Variants in CSMD1 observed in about 807,000 individuals in gnomAD.
CSMD1 encodes the protein CUB and sushi domain-containing protein 1.
In CSMD1, 213 loss-of-function variants were observed where a neutral mutation model predicts 417.5. The observed-to-expected ratio is 0.51, with a 90% CI of 0.46 to 0.57. The LOEUF is 0.57. Ranked by LOEUF, CSMD1 falls within the 20% of genes least tolerant of loss-of-function variation. CSMD1 has a pLI of 0.00. For synonymous variants in CSMD1, 2,862 were observed against 1,736.8 expected (o/e 1.65, Z -16.11); for missense variants, 6,923 against 4,529.7 (o/e 1.53, Z -15.17).
At chr8:3,943,477 G>C (rs985814344) in intron 5 of CSMD1, among the ~76,000 whole-genome samples, 5 of 146,128 alleles carry the variant, frequency 3.4e-5, no homozygotes, top group Non-Finnish European at 7.4e-5. Flanking sequence ...TGATCAGTCA[G>C]TGGGTGCTGA....
intron 17 of CSMD1, among the ~76,000 whole-genome samples, chr8:3,392,323 C>G (rs1811401069): frequency 1.3e-5 from 2 of 152,042 alleles, no homozygotes; most frequent in Admixed American, 1.3e-4. Flanking sequence ...TCTTGGGTCA[C>G]AGGCAACCCA....
Position 3,479,358 on chromosome 8 carries a change from G to A in CSMD1, c.1449-10534C>T, listed in dbSNP as rs576853134. 7.9e-5 allele frequency among the ~76,000 whole-genome samples: 12 copies of A among 152,170 alleles called. No homozygotes were observed. In the East Asian group the frequency reaches 1.2e-3, roughly 15 times the overall value. On this transcript the variant is annotated intron_variant, in intron 11 of 69. Transcript: ENST00000635120. ...TGCAGTGGCATGATCTTGGCTCACCGCAACCTCCGCCTCCTGGGTTCAAGT... is the reference window on the plus strand; with the variant it reads ...TGCAGTGGCATGATCTTGGCTCACCACAACCTCCGCCTCCTGGGTTCAAGT...
chr8:3,601,569 C>T (rs1801362409), intron 8 of CSMD1, among the ~76,000 whole-genome samples: 1 of 152,106 alleles, frequency 6.6e-6, no homozygotes, highest in African/African-American at 2.4e-5. Flanking sequence ...ATTGAGTTAC[C>T]TACACTAGTC....
At chr8:4,957,346 C>T (rs538410182) in intron 1 of CSMD1, among the ~76,000 whole-genome samples, 32 of 152,250 alleles carry the variant, frequency 2.1e-4, no homozygotes, top group Non-Finnish European at 4.3e-4. Context: ...CAGAGAAGAG[C>T]ACATTTGGCA....
chr8:4,585,670 C>A (rs1239699769), intron 2 of CSMD1, among the ~76,000 whole-genome samples: 1 of 151,952 alleles, frequency 6.6e-6, no homozygotes, highest in Non-Finnish European at 1.5e-5. Flanking sequence ...GAAGATTTTG[C>A]AATGGAAAAA....
intron 1 of CSMD1, among the ~76,000 whole-genome samples, chr8:4,870,427 T>C (rs1359289544): frequency 6.6e-6 from 1 of 152,150 alleles, no homozygotes; most frequent in African/African-American, 2.4e-5. Flanking sequence ...AAAGGATGCA[T>C]AGTATTCCAT....
intron 1 of CSMD1, among the ~76,000 whole-genome samples, chr8:4,665,181 A>C (rs985810621): frequency 4.6e-4 from 70 of 151,802 alleles, no homozygotes; most frequent in African/African-American, 1.6e-3. Flanking sequence ...CTGTTTGTCC[A>C]TTTGCCAAAC....
intron 7 of CSMD1, among the ~76,000 whole-genome samples, chr8:3,674,908 A>G (rs1799292805): frequency 6.6e-6 from 1 of 152,220 alleles, no homozygotes; most frequent in Non-Finnish European, 1.5e-5. Context: ...ATCCTGGAAG[A>G]TAATGAACTT....
intron 2 of CSMD1, among the ~76,000 whole-genome samples, chr8:4,547,309 T>A (rs1797681829): frequency 2.6e-5 from 4 of 152,190 alleles, no homozygotes; most frequent in Admixed American, 2.6e-4. Flanking sequence ...ATAACTAGGC[T>A]TGAATTTTCC....
At chr8:3,833,693 C>G (rs1364045469) in intron 5 of CSMD1, among the ~76,000 whole-genome samples, 1 of 152,066 alleles carries the variant, frequency 6.6e-6, no homozygotes, top group Non-Finnish European at 1.5e-5. Flanking sequence ...TTTCTTCAAT[C>G]TTTCTGACTG....
chr8:4,805,273 T>G (rs979343354), intron 1 of CSMD1, among the ~76,000 whole-genome samples: 7 of 152,240 alleles, frequency 4.6e-5, no homozygotes, highest in Non-Finnish European at 1.0e-4. Flanking sequence ...ATGGATGTAT[T>G]TAGTATATCT....
intron 50 of CSMD1, among the ~76,000 whole-genome samples, chr8:3,031,040 T>A (rs895452569): frequency 1.3e-5 from 2 of 151,930 alleles, no homozygotes; most frequent in African/African-American, 4.8e-5. Context: ...TCTAAATTTA[T>A]AAGAAGATTC....
chr8:4,639,595 T>C (rs138874374), intron 1 of CSMD1, among the ~76,000 whole-genome samples: 38 of 152,320 alleles, frequency 2.5e-4, no homozygotes, highest in African/African-American at 8.7e-4. Flanking sequence ...CTAAAAATAT[T>C]GAGAAAGTTT....
intron 2 of CSMD1, among the ~76,000 whole-genome samples, chr8:4,426,085 T>G (rs1585054996): frequency 6.7e-6 from 1 of 148,440 alleles, no homozygotes; most frequent in Admixed American, 6.6e-5. Context: ...AAGGAATTAT[T>G]TTGAAAAAAA....
chr8:3,151,313 A>T, intron 40 of CSMD1, 84 bp downstream of exon 40: 2 of 831,154 alleles, frequency 2.4e-6, no homozygotes, highest in South Asian at 3.1e-5. Context: ...TGCCAACAGA[A>T]TAAGGCATTT....
At position 3,337,117 on chromosome 8, in the gene CSMD1, G is replaced by C. The variant is rs181847662; in HGVS notation, c.3631+6177C>G. Among the ~76,000 whole-genome samples the C allele has an allele frequency of 3.9e-5, 6 of 152,100 alleles. No individual in the cohort carries two copies. The East Asian group carries it at 9.7e-4, about 25-fold the overall frequency. On this transcript the variant is annotated intron_variant, in intron 23 of 69. Coordinates refer to ENST00000635120, the MANE Select transcript of CSMD1 (RefSeq NM_033225.6). The stretch of plus-strand genomic sequence containing the variant: ...CAGCTGACTAATCCCCTGGAACCCT[G>C]GGCATGACAAGAAGAAGACTGAAAA...
rs548184895 is a variant in CSMD1, at chr8:3,406,655, C to T, written c.2072-434G>A. ...TCTTTATTTACAGAATGAGAGACTA[C>T]TAAATTTATATCCTCTAGTTACTAT... On this transcript the variant is annotated intron_variant, in intron 14 of 69. Coordinates refer to ENST00000635120, the MANE Select transcript of CSMD1 (RefSeq NM_033225.6). 1.2e-3 allele frequency among the ~76,000 whole-genome samples: 179 copies of T among 152,214 alleles called. 1 individual carries two copies. Among genetic ancestry groups the T allele is most frequent in the Non-Finnish European group, 7.2e-4 (49 of 68,018 alleles).
chr8:3,682,747 G>A (rs1043494013), intron 7 of CSMD1, among the ~76,000 whole-genome samples: 62 of 152,196 alleles, frequency 4.1e-4, no homozygotes, highest in Non-Finnish European at 1.0e-4. Context: ...GCACACGTAT[G>A]TTTATTGCGG....
intron 6 of CSMD1, among the ~76,000 whole-genome samples, chr8:3,751,784 T>C (rs960495581): frequency 6.6e-6 from 1 of 152,194 alleles, no homozygotes; most frequent in African/African-American, 2.4e-5. Context: ...CAGATACAAA[T>C]GCCAAGTTCA....
Sources: gnomAD v4.1 joint callset for allele counts (sites outside exome capture counted in the v4.1 genomes callset) on GRCh38, gnomAD v4.1.1 for gene constraint, MANE v1.5 for transcripts, NCBI Gene and HGNC (gene_info 2026-07-23, HGNC 2026-07-21) for gene names.